Variants in PCDHGB1 observed in about 807,000 individuals in gnomAD.
PCDHGB1 encodes protocadherin gamma-B1.
In PCDHGB1, 34 loss-of-function variants were observed where a neutral mutation model predicts 56.6. The observed-to-expected ratio is 0.60, with a 90% CI of 0.46 to 0.80. The LOEUF (loss-of-function observed/expected upper bound fraction) is 0.80. PCDHGB1 is among the 30% of genes least tolerant of loss of function. The probability of loss-of-function intolerance (pLI) is 0.00; values close to 1 mark genes in which losing one functional copy is unlikely to be tolerated. For synonymous variants in PCDHGB1, 561 were observed against 505.9 expected (o/e 1.11, Z -1.46); for missense variants, 1,278 against 1,204.6 (o/e 1.06, Z -0.90).
intron 1 of PCDHGB1, chr5:141,357,088 C>A (rs530114356): frequency 1.2e-6 from 2 of 1,613,782 alleles, no homozygotes; most frequent in Admixed American, 1.7e-5. Flanking sequence ...GCGCACCGCA[C>A]GGGCCCTGCT....
chr5:141,422,871 G>A (rs769543752), intron 1 of PCDHGB1: 1 of 1,614,216 alleles, frequency 6.2e-7, no homozygotes, highest in Admixed American at 1.7e-5. Context: ...GCAACGTGTC[G>A]CTGAGCCTGT....
At chr5:141,460,368 G>A (rs1005554535) in intron 1 of PCDHGB1, among the ~76,000 whole-genome samples, 1 of 152,050 alleles carries the variant, frequency 6.6e-6, no homozygotes. Context: ...AAGTTTTATA[G>A]TTTTACCATT....
chr5:141,502,446 C>T (rs541278139), intron 2 of PCDHGB1, among the ~76,000 whole-genome samples: 1 of 152,098 alleles, frequency 6.6e-6, no homozygotes, highest in South Asian at 2.1e-4. Context: ...ATTCAGATTA[C>T]ACACCTTGGT....
At chr5:141,395,121 T>C (rs773964445) in intron 1 of PCDHGB1, 1 of 1,614,192 alleles carries the variant, frequency 6.2e-7, no homozygotes, top group East Asian at 2.2e-5. Flanking sequence ...TCACCTGATC[T>C]TTCCCCAGCC....
In PCDHGB1 at chr5:141,431,371, A is replaced by G. The variant is rs2097366432; in HGVS notation, c.2410-63436A>G. The G allele has an allele frequency of 6.2e-7, 1 of 1,613,998 alleles. No individual in the cohort carries two copies. The highest frequency in any genetic ancestry group is 8.5e-7 in the Non-Finnish European group (1 of 1,180,038). ...TGAAACGCGCCCTGGACCGCGAAGA[A>G]AAGGCTGCTCACCACCTGGTCCTTA... On this transcript the variant is annotated intron_variant, in intron 1 of 3. Transcript: ENST00000523390. The surrounding 1 kb of genome is among the most constrained non-coding windows in gnomAD (Gnocchi z 4.8).
intron 1 of PCDHGB1, chr5:141,404,976 T>G (rs373850794): frequency 4.3e-6 from 7 of 1,614,002 alleles, no homozygotes; most frequent in Non-Finnish European, 5.9e-6. Context: ...CTGGCTGACC[T>G]GGGCAGTCTT....
At chr5:141,440,150 A>G (rs770863453) in intron 1 of PCDHGB1, 1 of 152,244 alleles carries the variant, frequency 6.6e-6, no homozygotes, top group African/African-American at 2.4e-5. Context: ...ACGCCCCCCA[A>G]TTATAGCTTG....
intron 1 of PCDHGB1, chr5:141,372,037 T>TGC (rs772549612): frequency 5.6e-6 from 9 of 1,613,494 alleles, no homozygotes; most frequent in Middle Eastern, 1.7e-4. Flanking sequence ...AACGTGAGCC[T>TGC]GCGCGTGTTG....
chr5:141,375,656 T>C (rs891549331), intron 1 of PCDHGB1: 2 of 1,614,080 alleles, frequency 1.2e-6, no homozygotes, highest in Non-Finnish European at 1.7e-6. Flanking sequence ...CTATGAGCAG[T>C]TGAGAGACCT....
chr5:141,470,738 C>T lies in PCDHGB1; in HGVS notation c.2410-24069C>T, dbSNP rs117476356. On this transcript the variant is annotated intron_variant, in intron 1 of 3. Transcript: ENST00000523390. ...TTTGAGTCAGGGTCTTGCTCTGTCG[C>T]CCTGGCTGGAGTGCAGTGGACTCAC... Among the ~76,000 whole-genome samples the T allele has an allele frequency of 1.9e-3, 295 of 152,226 alleles. 7 individuals carry two copies. In the East Asian group the frequency reaches 0.046, roughly 24 times the overall value.
At chr5:141,370,362 CGGATTTA>C in intron 1 of PCDHGB1, 2 of 1,517,790 alleles carry the variant, frequency 1.3e-6, no homozygotes, top group Non-Finnish European at 1.8e-6. Flanking sequence ...CTCCTCTCCT[CGGATTTA>C]GAAAGGCAAA....
chr5:141,417,618 G>A (rs370911891), intron 1 of PCDHGB1: 3 of 654,230 alleles, frequency 4.6e-6, no homozygotes, highest in Non-Finnish European at 7.4e-6. Context: ...CCAGTGCAGA[G>A]CAAGCGCTGA....
At chr5:141,398,041 G>A in intron 1 of PCDHGB1, 3 of 1,492,894 alleles carry the variant, frequency 2.0e-6, no homozygotes, top group Non-Finnish European at 2.7e-6. Context: ...ACTAAAGCCC[G>A]TTCGGAGATC....
chr5:141,495,465 G>A (rs563411010), intron 2 of PCDHGB1, among the ~76,000 whole-genome samples: 3 of 152,182 alleles, frequency 2.0e-5, no homozygotes, highest in Non-Finnish European at 2.9e-5. Context: ...TGTCTGTGGG[G>A]TCTCCGTGTC....
chr5:141,447,430 A>G (rs960560239), intron 1 of PCDHGB1, among the ~76,000 whole-genome samples: 9 of 152,156 alleles, frequency 5.9e-5, no homozygotes, highest in African/African-American at 2.2e-4. Flanking sequence ...GAGCCACCGC[A>G]CCCGGAGGAA....
intron 1 of PCDHGB1, chr5:141,389,763 G>C: frequency 6.2e-7 from 1 of 1,612,978 alleles, no homozygotes; most frequent in African/African-American, 1.3e-5. Context: ...AGTGCGCACA[G>C]CGCGTGCCTT....
intron 1 of PCDHGB1, chr5:141,374,945 A>C (rs779694385): frequency 6.2e-7 from 1 of 1,614,034 alleles, no homozygotes; most frequent in Admixed American, 1.7e-5. Context: ...TACAGAAAAG[A>C]TCTCACAAAT....
At chr5:141,426,621 C>G (rs984316174) in intron 1 of PCDHGB1, 1 of 392,280 alleles carries the variant, frequency 2.5e-6, no homozygotes, top group Non-Finnish European at 5.2e-6. Flanking sequence ...AGAGAATCCT[C>G]TAAATGTTTT....
At chr5:141,360,260 C>T (rs535439542) in intron 1 of PCDHGB1, 1 of 1,613,962 alleles carries the variant, frequency 6.2e-7, no homozygotes, top group East Asian at 2.2e-5. Flanking sequence ...GAGGAGCTGG[C>T]CAAAAACTCG....
Sources: allele counts gnomAD v4.1 joint callset (sites outside exome capture counted in the v4.1 genomes callset), GRCh38; gene constraint gnomAD v4.1.1; non-coding constraint Gnocchi (gnomAD v3.1); transcripts MANE v1.5; gene names NCBI Gene and HGNC (gene_info 2026-07-23, HGNC 2026-07-21).